PML: variants seen among roughly 807,000 people sequenced by gnomAD.
PML encodes the protein protein PML.
In PML, 28 loss-of-function variants were observed where a neutral mutation model predicts 65.2. The ratio of observed to expected loss-of-function variants is 0.43; its 90% CI spans 0.32 to 0.59. The LOEUF is 0.59. PML is among the 20% of genes least tolerant of loss of function. The pLI, the probability that PML is intolerant of heterozygous loss-of-function variation, is 0.08. For synonymous variants in PML, 500 were observed against 508.8 expected, an observed-to-expected ratio of 0.98 and a Z score of 0.23; for missense variants, 1,021 against 1,203.4, an observed-to-expected ratio of 0.85 and a Z score of 2.24.
At chr15:74,016,005 G>A (rs1567126038) in intron 2 of PML, among the ~76,000 whole-genome samples, 1 of 152,194 alleles carries the variant, frequency 6.6e-6, no homozygotes, top group African/African-American at 2.4e-5. Flanking sequence ...TCGGCCAGGC[G>A]AGATGGCTCA....
At chr15:74,020,384 G>T (rs889467141) in intron 2 of PML, among the ~76,000 whole-genome samples, 5 of 151,076 alleles carry the variant, frequency 3.3e-5, no homozygotes, top group Non-Finnish European at 7.4e-5. Flanking sequence ...CCACCTCCTG[G>T]GTTCAAGCAG....
chr15:74,028,671 C>T (rs561758030), intron 4 of PML, among the ~76,000 whole-genome samples: 89 of 152,292 alleles, frequency 5.8e-4, no homozygotes, highest in Non-Finnish European at 1.1e-3. Flanking sequence ...TGCTGCCTCC[C>T]TCAGCCCTGG....
At position 74,035,246 on chromosome 15, in the gene PML, C is replaced by G; in HGVS notation, c.1710+716C>G. 6.2e-7 allele frequency: 1 copy of G among 1,609,920 alleles called. No homozygotes were observed. The highest frequency in any genetic ancestry group is 8.5e-7 in the Non-Finnish European group (1 of 1,176,694). On this transcript the variant is annotated intron_variant, in intron 7 of 8. Coordinates refer to ENST00000268058, the MANE Select transcript of PML (RefSeq NM_033238.3). The surrounding 1 kb of genome is among the most constrained non-coding windows in gnomAD (Gnocchi z 4.1). ...CCTCGCCAGCCCACTCCTCGCCAGCCCACTCCTCGCCAGTCCAGTCTCTGC... is the reference window on the plus strand; with the variant it reads ...CCTCGCCAGCCCACTCCTCGCCAGCGCACTCCTCGCCAGTCCAGTCTCTGC...
At chr15:74,041,834 C>T (rs943338732) in intron 7 of PML, among the ~76,000 whole-genome samples, 8 of 152,306 alleles carry the variant, frequency 5.3e-5, no homozygotes, top group Admixed American at 2.0e-4. Context: ...GGCTTTAGCA[C>T]CAGGTGACAC....
At chr15:74,025,182 A>G (rs1488482375) in intron 4 of PML, 1 of 527,326 alleles carries the variant, frequency 1.9e-6, no homozygotes, top group African/African-American at 1.9e-5. Flanking sequence ...TGGGGGTTAG[A>G]TGTGGGGTAG....
At chr15:74,033,581 A>G (rs1221533780) in intron 6 of PML, 167 bp downstream of exon 6, 2 of 782,406 alleles carry the variant, frequency 2.6e-6, no homozygotes, top group Non-Finnish European at 4.4e-6. Flanking sequence ...GTGAGAGTGG[A>G]CACAGTTTAC....
Position 74,035,302 on chromosome 15 carries a change from G to C in PML, c.1710+772G>C. The C allele has an allele frequency of 6.2e-7, 1 of 1,613,048 alleles. No homozygotes were observed. The highest frequency in any genetic ancestry group is 8.5e-7 in the Non-Finnish European group (1 of 1,179,956). On this transcript the variant is annotated intron_variant, in intron 7 of 8. Transcript: ENST00000268058. This position sits in a 1 kb window ranked among gnomAD's most constrained non-coding sequence, Gnocchi z 4.1. ...GCACAAGGAGCCTCCAGCCTGCCCTGTGGCACATACCACCCCCCAGCTTGG... is the reference window on the plus strand; with the variant it reads ...GCACAAGGAGCCTCCAGCCTGCCCTCTGGCACATACCACCCCCCAGCTTGG...
chr15:74,031,347 T>C (rs2071314430), intron 4 of PML: 3 of 405,952 alleles, frequency 7.4e-6, no homozygotes, highest in South Asian at 3.7e-5. Flanking sequence ...CAATCTCGGC[T>C]CACTGCAATG....
intron 6 of PML, chr15:74,033,753 T>C: frequency 3.4e-6 from 2 of 595,810 alleles, no homozygotes; most frequent in Non-Finnish European, 6.0e-6. Flanking sequence ...GGCTTGGGCA[T>C]ACCATAACAG....
chr15:74,006,937 G>A (rs1463508617), intron 2 of PML, among the ~76,000 whole-genome samples: 1 of 152,116 alleles, frequency 6.6e-6, no homozygotes, highest in African/African-American at 2.4e-5. Context: ...CTTTACCACG[G>A]GATGGCCCCA....
chr15:74,007,387 G>T (rs1375870827), intron 2 of PML, among the ~76,000 whole-genome samples: 2 of 152,232 alleles, frequency 1.3e-5, no homozygotes. Context: ...CAGCAAGAGG[G>T]CAGGATTCCT....
chr15:73,999,372 C>T (rs1374178744), intron 2 of PML, among the ~76,000 whole-genome samples: 2 of 152,182 alleles, frequency 1.3e-5, no homozygotes, highest in African/African-American at 4.8e-5. Context: ...TGGTTTTTGA[C>T]AACTCAGAAC....
At position 74,035,956 on chromosome 15, in the gene PML, G is replaced by A; in HGVS notation, c.1710+1426G>A. 1 of 1,614,052 alleles carries A rather than the reference G, an allele frequency of 6.2e-7. No homozygotes were observed. Among genetic ancestry groups the A allele is most frequent in the Non-Finnish European group, 8.5e-7 (1 of 1,180,042 alleles). On this transcript the variant is annotated intron_variant, in intron 7 of 8. Transcript: ENST00000268058. The surrounding 1 kb of genome is among the most constrained non-coding windows in gnomAD (Gnocchi z 4.1). ...GCCCGTCAAGCAGGCCTCTGAGAGT[G>A]CTACCCTTCTCTTGTAACCTTGCAG...
chr15:74,022,843 A>T lies in PML; in HGVS notation c.618A>T (p.Gly206=). The T allele has an allele frequency of 1.2e-6, 2 of 1,613,906 alleles. No homozygotes were observed. The highest frequency in any genetic ancestry group is 1.7e-6 in the Non-Finnish European group (2 of 1,179,996). The stretch of plus-strand genomic sequence containing the variant: ...GTGTCCACAGCATCTACTGCCGAGG[A>T]TGTTCCAAGCCGCTGTGCTGCTCGT... ...TPTLTSIYCR[G]CSKPLCCSCA... is the part of the protein sequence containing the mutation. The change falls in exon 3 of 9, where the codon GGA becomes GGT. Residue 206 remains glycine (G), a synonymous_variant. Transcript: ENST00000268058.
chr15:74,023,164 C>T lies in PML; in HGVS notation c.939C>T (p.Ala313=). 6.2e-7 allele frequency: 1 copy of T among 1,605,554 alleles called. No homozygotes were observed. The highest frequency in any genetic ancestry group is 8.5e-7 in the Non-Finnish European group (1 of 1,177,440). ...ACCAGCGCGACTACGAGGAGATGGCCAGTCGGCTGGGCCGCCTGGATGCTG... is the reference window on the plus strand; with the variant it reads ...ACCAGCGCGACTACGAGGAGATGGCTAGTCGGCTGGGCCGCCTGGATGCTG... ...ARYQRDYEEM[A]SRLGRLDAVL... is the part of the protein sequence containing the mutation. Residue 313 remains alanine (A), a synonymous_variant, in exon 3 of 9, where the codon GCC becomes GCT. Transcript: ENST00000268058.
At position 74,043,518 on chromosome 15, in the gene PML, G is replaced by A; in HGVS notation, c.1861+379G>A. On this transcript the variant is annotated intron_variant, in intron 8 of 8. Transcript: ENST00000268058. The surrounding 1 kb of genome is among the most constrained non-coding windows in gnomAD (Gnocchi z 4.3). ...TGGCTGTGCTACACGTTTCTGAGTA[G>A]AGGGCCAATCCCACAGGTGGCTGCA... is the stretch of plus-strand genomic sequence containing the variant. The A allele has an allele frequency of 2.4e-6, 1 of 418,920 alleles. No individual in the cohort carries two copies. Among genetic ancestry groups the A allele is most frequent in the African/African-American group, 2.1e-5 (1 of 46,542 alleles). 26.0% of individuals were successfully genotyped at this position (418,920 alleles called of 1,614,324 possible). A position where few individuals can be genotyped will look rare whatever the true frequency, so the allele number is the denominator to read the frequency against.
intron 2 of PML, among the ~76,000 whole-genome samples, chr15:74,018,054 C>G (rs2070673184): frequency 6.6e-6 from 1 of 152,150 alleles, no homozygotes; most frequent in Admixed American, 6.5e-5. Flanking sequence ...CGTGGTGGCT[C>G]ACGCCTGTAA....
In PML at chr15:74,035,659, G is replaced by A; in HGVS notation, c.1710+1129G>A. The A allele has an allele frequency of 6.2e-7, 1 of 1,614,092 alleles. No homozygotes were observed. The highest frequency in any genetic ancestry group is 8.5e-7 in the Non-Finnish European group (1 of 1,180,024). ...ATACGAGGGGCTGTGCGATCCCGCA[G>A]CCGCTCCCTCCGGGGCTCCTCCCAT... On this transcript the variant is annotated intron_variant, in intron 7 of 8. Transcript: ENST00000268058. This position sits in a 1 kb window ranked among gnomAD's most constrained non-coding sequence, Gnocchi z 4.1.
At chr15:74,010,159 C>T (rs190883376) in intron 2 of PML, among the ~76,000 whole-genome samples, 199 of 147,094 alleles carry the variant, frequency 1.4e-3, no homozygotes, top group Non-Finnish European at 2.5e-3. Flanking sequence ...GCTGGGACTA[C>T]AGACATGCAC....
Sources: allele counts gnomAD v4.1 joint callset (sites outside exome capture counted in the v4.1 genomes callset), GRCh38; gene constraint gnomAD v4.1.1; non-coding constraint Gnocchi (gnomAD v3.1); transcripts MANE v1.5; gene names NCBI Gene and HGNC (gene_info 2026-07-23, HGNC 2026-07-21).